PCDHA8: variants seen among roughly 807,000 people sequenced by gnomAD.
PCDHA8 encodes the protein protocadherin alpha-8.
Under a neutral mutation model 61.8 loss-of-function variants are expected in PCDHA8, and 53 were observed. That is an observed-to-expected ratio of 0.86 (90% CI 0.69 to 1.08). The LOEUF (loss-of-function observed/expected upper bound fraction) is 1.08. Among genes scored for constraint, PCDHA8 ranks in the 50% least tolerant of loss-of-function variants. The pLI is 0.00. For missense variants in PCDHA8, 1,293 were observed against 1,245.0 expected, an observed-to-expected ratio of 1.04 and a Z score of -0.58; for synonymous variants, 618 against 556.6, an observed-to-expected ratio of 1.11 and a Z score of -1.55.
chr5:140,898,464 T>C (rs2066757130), intron 1 of PCDHA8, among the ~76,000 whole-genome samples: 1 of 152,198 alleles, frequency 6.6e-6, no homozygotes, highest in Admixed American at 6.5e-5. Flanking sequence ...CCCCATTGCT[T>C]GTTTTTCTCA....
At chr5:140,915,012 C>T (rs2076943122) in intron 1 of PCDHA8, among the ~76,000 whole-genome samples, 1 of 144,844 alleles carries the variant, frequency 6.9e-6, no homozygotes, top group Non-Finnish European at 1.5e-5. Context: ...GTGGCCTGAT[C>T]TTGGCTCACT....
chr5:140,852,974 G>T (rs1554146261), intron 1 of PCDHA8: 2 of 368,228 alleles, frequency 5.4e-6, no homozygotes, highest in East Asian at 1.6e-4. Context: ...CCCCTCCCGT[G>T]TTCACGCCAT....
chr5:140,957,792 T>C (rs148659760), intron 1 of PCDHA8, among the ~76,000 whole-genome samples: 1 of 152,230 alleles, frequency 6.6e-6, no homozygotes, highest in East Asian at 1.9e-4. Flanking sequence ...TCATCATATA[T>C]GTTAAGTAAA....
chr5:140,863,047 C>T, intron 1 of PCDHA8: 1 of 560,864 alleles, frequency 1.8e-6, no homozygotes. Context: ...TGTCAGCTGG[C>T]AGCACCCGTT....
In PCDHA8 at chr5:140,858,143, A is replaced by T. The variant is rs781919234; in HGVS notation, c.2394+14428A>T. 1.9e-6 allele frequency: 3 copies of T among 1,597,218 alleles called. No homozygotes were observed. The South Asian group carries it at 3.3e-5, about 18-fold the overall frequency. On this transcript the variant is annotated intron_variant, in intron 1 of 3. Transcript: ENST00000531613. The stretch of plus-strand genomic sequence containing the variant: ...CCTGGTGGATGTCAACGTGTACCTG[A>T]TCATCGCCATCTGCGCGGTGTCCAG...
chr5:140,999,693 AT>A (rs202183337), intron 3 of PCDHA8, among the ~76,000 whole-genome samples: 13 of 151,522 alleles, frequency 8.6e-5, no homozygotes, highest in African/African-American at 2.4e-4. Flanking sequence ...AAGAAATGTG[AT>A]TTTTTTTTAG....
chr5:140,935,995 C>G (rs1282709145), intron 1 of PCDHA8, among the ~76,000 whole-genome samples: 1 of 150,774 alleles, frequency 6.6e-6, no homozygotes, highest in African/African-American at 2.4e-5. Context: ...CGGGTTCAAG[C>G]GATTCTCCCA....
chr5:140,848,093 T>G, intron 1 of PCDHA8: 1 of 167,516 alleles, frequency 6.0e-6, no homozygotes, highest in South Asian at 1.6e-4. Context: ...AAGTGGAGAG[T>G]TTTCTCAGGG....
intron 1 of PCDHA8, chr5:140,877,053 G>A: frequency 1.9e-6 from 3 of 1,612,784 alleles, no homozygotes; most frequent in African/African-American, 1.3e-5. Context: ...ACCACGAGGA[G>A]CTGGAGCTGC....
rs199940622 is a variant in PCDHA8, at chr5:140,870,517, C to T, written c.2394+26802C>T. ...GAAGGAGAACAACCCACCAGGCTGCCACATCTTCACAGTGTCGGCGCGGGA... is the reference window on the plus strand; with the variant it reads ...GAAGGAGAACAACCCACCAGGCTGCTACATCTTCACAGTGTCGGCGCGGGA... On this transcript the variant is annotated intron_variant, in intron 1 of 3. Coordinates refer to ENST00000531613, the MANE Select transcript of PCDHA8 (RefSeq NM_018911.3). The T allele has an allele frequency of 6.8e-6, 11 of 1,614,224 alleles. No homozygotes were observed. Among genetic ancestry groups the T allele is most frequent in the Non-Finnish European group, 9.3e-6 (11 of 1,180,048 alleles).
chr5:140,999,600 TG>T (rs1213821435), intron 3 of PCDHA8, among the ~76,000 whole-genome samples: 3 of 152,150 alleles, frequency 2.0e-5, no homozygotes. Context: ...CCCTACATCC[TG>T]GGGGACCTTA....
chr5:140,856,690 T>A (rs1368181199), intron 1 of PCDHA8: 2 of 1,597,086 alleles, frequency 1.3e-6, no homozygotes, highest in East Asian at 2.2e-5. Context: ...TGACAGCAAC[T>A]GATGGAGGCA....
intron 1 of PCDHA8, chr5:140,849,282 C>T: frequency 8.4e-7 from 1 of 1,191,290 alleles, no homozygotes; most frequent in Non-Finnish European, 1.2e-6. Context: ...GCTGGTGATT[C>T]ACCCCAATGC....
At chr5:140,941,244 T>TTTCG (rs2092953100) in intron 1 of PCDHA8, among the ~76,000 whole-genome samples, 1 of 141,602 alleles carries the variant, frequency 7.1e-6, no homozygotes, top group South Asian at 2.3e-4. Context: ...TCTTTCTTTC[T>TTTCG]TTCTTTCTTT....
chr5:140,984,304 G>A (rs1587007644), intron 3 of PCDHA8, among the ~76,000 whole-genome samples: 1 of 152,168 alleles, frequency 6.6e-6, no homozygotes, highest in Admixed American at 6.5e-5. Context: ...GATGCTGGTT[G>A]GTGTGTATTC....
intron 1 of PCDHA8, chr5:140,877,297 T>C (rs782559386): frequency 6.2e-7 from 1 of 1,613,924 alleles, no homozygotes; most frequent in East Asian, 2.2e-5. Context: ...TTGGCTGTCC[T>C]ACGAGTTGCA....
chr5:141,000,912 A>G (rs1434885581), intron 3 of PCDHA8, among the ~76,000 whole-genome samples: 1 of 152,194 alleles, frequency 6.6e-6, no homozygotes, highest in East Asian at 1.9e-4. Context: ...TGTCTCTAAA[A>G]AAAAAAATCC....
chr5:140,862,831 G>A (rs782083560), intron 1 of PCDHA8: 2 of 572,766 alleles, frequency 3.5e-6, no homozygotes, highest in Admixed American at 1.9e-5. Context: ...AGCGCGCGAC[G>A]CGGGCATGCC....
chr5:140,869,504 C>G (rs959374162), intron 1 of PCDHA8: 1 of 1,614,200 alleles, frequency 6.2e-7, no homozygotes, highest in Admixed American at 1.7e-5. Context: ...CCGGTGTTCT[C>G]GCTCAGAGAA....
Sources: gnomAD v4.1 joint callset for allele counts (sites outside exome capture counted in the v4.1 genomes callset) on GRCh38, gnomAD v4.1.1 for gene constraint, MANE v1.5 for transcripts, NCBI Gene and HGNC (gene_info 2026-07-23, HGNC 2026-07-21) for gene names.